BPTF: variants seen among roughly 807,000 people sequenced by gnomAD.
BPTF encodes the protein nucleosome-remodeling factor subunit BPTF.
Under a neutral mutation model 292.5 loss-of-function variants are expected in BPTF, and 18 were observed. That is an observed-to-expected ratio of 0.06 (90% CI 0.04 to 0.09). The LOEUF (loss-of-function observed/expected upper bound fraction) is 0.09. Among genes scored for constraint, BPTF ranks in the 10% least tolerant of loss-of-function variants. The pLI, the probability that BPTF is intolerant of heterozygous loss-of-function variation, is 1.00. For missense variants in BPTF, 2,726 were observed against 3,498.7 expected (o/e 0.78, Z 5.57); for synonymous variants, 1,225 against 1,251.9 (o/e 0.98, Z 0.45).
intron 18 of BPTF, among the ~76,000 whole-genome samples, chr17:67,937,191 C>G (rs1205768750): frequency 6.6e-6 from 1 of 152,084 alleles, no homozygotes; most frequent in Non-Finnish European, 1.5e-5. Flanking sequence ...CGCGATAGCT[C>G]ACGCCTAATA....
chr17:67,872,206 AT>A (rs1567947976), intron 3 of BPTF, among the ~76,000 whole-genome samples: 2 of 152,238 alleles, frequency 1.3e-5, no homozygotes, highest in African/African-American at 2.4e-5. Flanking sequence ...ATATATGTAT[AT>A]GTGTATTTAA....
At chr17:67,944,655 C>G (rs1368863497) in intron 20 of BPTF, 2 of 447,686 alleles carry the variant, frequency 4.5e-6, no homozygotes, top group East Asian at 8.9e-5. Flanking sequence ...TTACTCCTTG[C>G]TAAGCCTTGT....
At position 67,923,471 on chromosome 17, in the gene BPTF, C is replaced by CTTTTTT. The variant is rs58462646; in HGVS notation, c.5708+505_5708+510dup. On this transcript the variant is annotated intron_variant, in intron 14 of 27. Coordinates refer to ENST00000306378, the MANE Select transcript of BPTF (RefSeq NM_182641.4). Reference sequence around the variant, plus strand: ...GTTTAGTAAGGTCCTCTCTCTCTGTCTTTTTTTTTTTTTTTTTTTTTTTTT... The same window carrying CTTTTTT: ...GTTTAGTAAGGTCCTCTCTCTCTGTCTTTTTTTTTTTTTTTTTTTTTTTTTTTTTTT... 1.2e-3 allele frequency among the ~76,000 whole-genome samples: 78 copies of CTTTTTT among 67,516 alleles called. 12 individuals carry two copies. Among genetic ancestry groups the CTTTTTT allele is most frequent in the African/African-American group, 3.3e-3 (57 of 17,028 alleles). The allele number at this position is 67,516 out of a possible 152,430, so 44.3% of individuals were successfully genotyped here.
In BPTF at chr17:67,926,849, G is replaced by A. The variant is rs527289673; in HGVS notation, c.5752-1506G>A. ...AATTCCTGGCTTAAGGTGATCCTCC[G>A]GCCTCAGCCTCCTGAGTAGCTGGAG... On this transcript the variant is annotated intron_variant, in intron 15 of 27. Coordinates refer to ENST00000306378, the MANE Select transcript of BPTF (RefSeq NM_182641.4). Among the ~76,000 whole-genome samples the A allele has an allele frequency of 3.2e-4, 48 of 150,254 alleles. 1 individual carries two copies. Among genetic ancestry groups the A allele is most frequent in the Admixed American group, 2.6e-4 (4 of 15,136 alleles).
chr17:67,868,243 A>G (rs1381799140), intron 3 of BPTF, among the ~76,000 whole-genome samples: 2 of 152,202 alleles, frequency 1.3e-5, no homozygotes, highest in African/African-American at 4.8e-5. Flanking sequence ...CTCTCCTTCA[A>G]AATCTCCAAT....
intron 4 of BPTF, chr17:67,875,669 T>G: frequency 1.2e-6 from 2 of 1,606,882 alleles, no homozygotes. Flanking sequence ...CCCTGTGGGG[T>G]GTCTCTCAGA....
chr17:67,861,502 G>A (rs2059082559), intron 2 of BPTF, among the ~76,000 whole-genome samples: 2 of 151,988 alleles, frequency 1.3e-5, no homozygotes, highest in Admixed American at 1.3e-4. Context: ...TTTTAGTAGA[G>A]ACAGGGTTTC....
intron 11 of BPTF, among the ~76,000 whole-genome samples, chr17:67,914,675 A>G (rs1183224727): frequency 6.6e-6 from 1 of 152,160 alleles, no homozygotes; most frequent in African/African-American, 2.4e-5. Flanking sequence ...AATGGAGGGT[A>G]GGCTCAACTG....
Position 67,826,304 on chromosome 17 carries a change from T to G in BPTF, c.580T>G (p.Phe194Val). Residue 194 changes from phenylalanine to valine, a missense_variant, in exon 1 of 28, where the codon TTC becomes GTC. Phe to Val is a conservative substitution (Grantham distance 50). Coordinates refer to ENST00000306378, the MANE Select transcript of BPTF (RefSeq NM_182641.4). Reference sequence around the variant, plus strand: ...CGCCAGTTACTGCACGGAAAGCAGCTTCAGGAGCCATAGTACCTACAGCAG... The same window carrying G: ...CGCCAGTTACTGCACGGAAAGCAGCGTCAGGAGCCATAGTACCTACAGCAG... ...DDASYCTESSFRSHSTYSSTP... is the reference protein window; with the variant it reads ...DDASYCTESSVRSHSTYSSTP... The G allele has an allele frequency of 6.2e-7, 1 of 1,612,356 alleles. No individual in the cohort carries two copies. Among genetic ancestry groups the G allele is most frequent in the Non-Finnish European group, 8.5e-7 (1 of 1,179,666 alleles).
intron 1 of BPTF, among the ~76,000 whole-genome samples, chr17:67,829,479 C>T (rs532315670): frequency 6.6e-6 from 1 of 151,258 alleles, no homozygotes; most frequent in Non-Finnish European, 1.5e-5. Context: ...CCCCCCACCC[C>T]CCGGATGTGA....
At chr17:67,926,945 A>G (rs779526856) in intron 15 of BPTF, among the ~76,000 whole-genome samples, 2 of 151,862 alleles carry the variant, frequency 1.3e-5, no homozygotes, top group Non-Finnish European at 2.9e-5. Context: ...AACTGATTTA[A>G]TCAGATGATG....
chr17:67,896,600 TG>T (rs1219312622), intron 7 of BPTF, among the ~76,000 whole-genome samples: 1 of 152,232 alleles, frequency 6.6e-6, no homozygotes, highest in African/African-American at 2.4e-5. Flanking sequence ...TAAAAGCATG[TG>T]TGATAACACA....
chr17:67,881,852 GTTTTTGTTTTTTTTTTTT>G, intron 4 of BPTF, among the ~76,000 whole-genome samples: 1 of 38,404 alleles, frequency 2.6e-5, no homozygotes, highest in East Asian at 7.8e-4. Flanking sequence ...GGGATTTTGG[GTTTTTGTTTTTTTTTTTT>G]TTTTTTTTTT....
In BPTF at chr17:67,906,415, A is replaced by G. The variant is rs1482673972; in HGVS notation, c.2812+1575A>G. Among the ~76,000 whole-genome samples, 9 of 152,160 alleles carry G rather than the reference A, an allele frequency of 5.9e-5. 1 individual carries two copies. Among genetic ancestry groups the G allele is most frequent in the Non-Finnish European group, 1.2e-4 (8 of 68,024 alleles). On this transcript the variant is annotated intron_variant, in intron 9 of 27. Transcript: ENST00000306378. Reference sequence around the variant, plus strand: ...ATTAATTGAGTTTTTACAACTGGCTAATGAGCTTTAGTATTTAGAATCACC... The same window carrying G: ...ATTAATTGAGTTTTTACAACTGGCTGATGAGCTTTAGTATTTAGAATCACC...
intron 9 of BPTF, among the ~76,000 whole-genome samples, chr17:67,906,232 C>T (rs2062182489): frequency 6.6e-6 from 1 of 152,090 alleles, no homozygotes; most frequent in South Asian, 2.1e-4. Context: ...AAGTGCACAC[C>T]ACCATGCCCA....
chr17:67,886,158 A>G lies in BPTF; in HGVS notation c.1865-5686A>G. ...CCTAACAAGACATGTGAGAGCAGTA[A>G]CACTAGTGCTACCACTACCTCCATC... is the stretch of plus-strand genomic sequence containing the variant. On this transcript the variant is annotated intron_variant, in intron 4 of 27. Transcript: ENST00000306378. The G allele has an allele frequency of 6.2e-7, 1 of 1,607,750 alleles. No homozygotes were observed.
At chr17:67,896,394 G>A (rs1040589577) in intron 7 of BPTF, among the ~76,000 whole-genome samples, 2 of 152,154 alleles carry the variant, frequency 1.3e-5, no homozygotes, top group Admixed American at 6.5e-5. Context: ...GGAGAGGGTG[G>A]GAGGGGCACA....
At chr17:67,880,868 A>G (rs2145910541) in intron 4 of BPTF, among the ~76,000 whole-genome samples, 1 of 151,482 alleles carries the variant, frequency 6.6e-6, no homozygotes, top group East Asian at 1.9e-4. Context: ...TTTAAATTTT[A>G]TTGACTCTTG....
At chr17:67,947,615 T>TA (rs1186975039) in intron 21 of BPTF, 111 bp from the exon 22 acceptor site, 2 of 810,252 alleles carry the variant, frequency 2.5e-6, no homozygotes, top group Non-Finnish European at 3.8e-6. Context: ...ATAAAATTCT[T>TA]ACAGTTTCTT....
Sources: gnomAD v4.1 joint callset for allele counts (sites outside exome capture counted in the v4.1 genomes callset) on GRCh38, gnomAD v4.1.1 for gene constraint, MANE v1.5 for transcripts, NCBI Gene and HGNC (gene_info 2026-07-23, HGNC 2026-07-21) for gene names.